The following CADPS2 variants were observed in gnomAD, a reference collection of about 807,000 sequenced individuals.
CADPS2 encodes calcium dependent secretion activator 2.
In CADPS2, 93 loss-of-function variants were observed where a neutral mutation model predicts 172.5. That is an observed-to-expected ratio of 0.54 (90% CI 0.46 to 0.64). The LOEUF is 0.64. CADPS2 is among the 30% of genes least tolerant of loss of function. The pLI is 0.00. For synonymous variants in CADPS2, 546 were observed against 555.2 expected, an observed-to-expected ratio of 0.98 and a Z score of 0.23; for missense variants, 1,420 against 1,565.9, an observed-to-expected ratio of 0.91 and a Z score of 1.57.
intron 1 of CADPS2, among the ~76,000 whole-genome samples, chr7:122,769,982 T>C (rs1461242839): frequency 6.6e-6 from 1 of 152,212 alleles, no homozygotes; most frequent in African/African-American, 2.4e-5. Flanking sequence ...ATTTTACATA[T>C]ATTAACTCAA....
At chr7:122,645,308 C>CAT (rs1462858116) in intron 3 of CADPS2, among the ~76,000 whole-genome samples, 15 of 121,850 alleles carry the variant, frequency 1.2e-4, no homozygotes, top group East Asian at 9.2e-4. Context: ...CACATATGTA[C>CAT]ATGTGTGTAT....
chr7:122,858,064 G>A (rs1365921025), intron 1 of CADPS2, among the ~76,000 whole-genome samples: 2 of 152,134 alleles, frequency 1.3e-5, no homozygotes, highest in African/African-American at 4.8e-5. Flanking sequence ...GCTACTGGCT[G>A]GAATGCCCAG....
chr7:122,392,466 A>G (rs569898993), intron 22 of CADPS2, among the ~76,000 whole-genome samples: 1 of 152,184 alleles, frequency 6.6e-6, no homozygotes, highest in South Asian at 2.1e-4. Flanking sequence ...GAAAAAACTC[A>G]GGCTAAGAAG....
intron 6 of CADPS2, among the ~76,000 whole-genome samples, chr7:122,606,006 T>TA (rs2073479123): frequency 6.6e-6 from 1 of 152,204 alleles, no homozygotes; most frequent in Non-Finnish European, 1.5e-5. Context: ...CAGTGATTAA[T>TA]AAGCAAAAAC....
intron 28 of CADPS2, among the ~76,000 whole-genome samples, chr7:122,343,374 G>T (rs1331505244): frequency 6.6e-6 from 1 of 152,172 alleles, no homozygotes; most frequent in African/African-American, 2.4e-5. Context: ...GGCATTGAAT[G>T]AAAGTATATA....
chr7:122,527,064 T>A (rs1420459210), intron 8 of CADPS2, among the ~76,000 whole-genome samples: 1 of 152,182 alleles, frequency 6.6e-6, no homozygotes, highest in Admixed American at 6.5e-5. Context: ...TCAAAAATGT[T>A]AAAAAGTCTT....
intron 8 of CADPS2, among the ~76,000 whole-genome samples, chr7:122,544,131 T>C (rs2063378003): frequency 6.6e-6 from 1 of 152,098 alleles, no homozygotes; most frequent in South Asian, 2.1e-4. Flanking sequence ...TGTACAAGAA[T>C]GTTCACAGTA....
At chr7:122,867,000 C>T (rs1421670621) in intron 1 of CADPS2, among the ~76,000 whole-genome samples, 2 of 152,078 alleles carry the variant, frequency 1.3e-5, no homozygotes, top group Non-Finnish European at 2.9e-5. Context: ...TATTCTATTC[C>T]ACCACAGGAC....
intron 17 of CADPS2, among the ~76,000 whole-genome samples, chr7:122,424,936 T>C (rs1465304556): frequency 2.0e-5 from 3 of 152,168 alleles, no homozygotes; most frequent in Non-Finnish European, 4.4e-5. Flanking sequence ...AGCATAAAAT[T>C]TTTCCAGTGT....
intron 1 of CADPS2, among the ~76,000 whole-genome samples, chr7:122,871,654 A>G (rs1331036919): frequency 6.6e-6 from 1 of 152,066 alleles, no homozygotes; most frequent in African/African-American, 2.4e-5. Flanking sequence ...AGAACCTAAA[A>G]TGAGTTCCCT....
At chr7:122,883,547 C>T (rs1341674967) in intron 1 of CADPS2, among the ~76,000 whole-genome samples, 1 of 152,140 alleles carries the variant, frequency 6.6e-6, no homozygotes, top group African/African-American at 2.4e-5. Context: ...CTGTATAATG[C>T]AAGACTTCAA....
chr7:122,432,574 G>A (rs887455224), intron 17 of CADPS2, among the ~76,000 whole-genome samples: 2 of 150,514 alleles, frequency 1.3e-5, no homozygotes, highest in African/African-American at 4.9e-5. Context: ...TCGGGAGGCG[G>A]AGGTTGCAGT....
chr7:122,625,638 C>T (rs2076014206), intron 4 of CADPS2, among the ~76,000 whole-genome samples: 1 of 152,040 alleles, frequency 6.6e-6, no homozygotes, highest in South Asian at 2.1e-4. Flanking sequence ...CTACAGATTT[C>T]AGACTTAAGA....
At chr7:122,330,317 T>A in intron 28 of CADPS2, among the ~76,000 whole-genome samples, 1 of 152,304 alleles carries the variant, frequency 6.6e-6, no homozygotes, top group Middle Eastern at 3.4e-3. Context: ...TATAAGCCAT[T>A]CTTCAGGATC....
intron 1 of CADPS2, among the ~76,000 whole-genome samples, chr7:122,800,078 A>G (rs928710986): frequency 1.3e-5 from 2 of 152,232 alleles, no homozygotes; most frequent in Admixed American, 6.5e-5. Context: ...AACAAGTGGA[A>G]AAGTAGCATT....
chr7:122,875,295 T>C (rs1472601846), intron 1 of CADPS2, among the ~76,000 whole-genome samples: 1 of 152,212 alleles, frequency 6.6e-6, no homozygotes, highest in Non-Finnish European at 1.5e-5. Flanking sequence ...GTAGAATCCT[T>C]GTCCCATATA....
intron 9 of CADPS2, among the ~76,000 whole-genome samples, chr7:122,513,021 A>C (rs1425876286): frequency 6.6e-6 from 1 of 152,180 alleles, no homozygotes; most frequent in African/African-American, 2.4e-5. Context: ...AAAGAGTCCA[A>C]AAGCATAAAA....
At position 122,444,892 on chromosome 7, in the gene CADPS2, C is replaced by T. The variant is rs529923912; in HGVS notation, c.2289-3317G>A. 8.2e-4 allele frequency among the ~76,000 whole-genome samples: 124 copies of T among 152,104 alleles called. 2 individuals carry two copies. Among genetic ancestry groups the T allele is most frequent in the African/African-American group, 2.8e-3 (115 of 41,524 alleles). On this transcript the variant is annotated intron_variant, in intron 15 of 29. Coordinates refer to ENST00000449022, the MANE Select transcript of CADPS2 (RefSeq NM_017954.11). ...TAACCCAAAGACACAGATTTTTCAC[C>T]CAAGTTTTCTAGGTCTACCTATTTT...
In CADPS2 at chr7:122,409,501, A is replaced by G. The variant is rs1301424640; in HGVS notation, c.2590-1805T>C. On this transcript the variant is annotated intron_variant, in intron 19 of 29. Transcript: ENST00000449022. ...TTTTCAAAACAGCTTCAGGTTGGCA[A>G]GATTTTGCCATCAACTGGAAAATTT... The G allele has an allele frequency of 9.6e-6, 3 of 313,432 alleles. No homozygotes were observed. In the East Asian group the frequency reaches 2.8e-4, roughly 29 times the overall value. The allele number at this position is 313,432 out of a possible 1,614,324, so 19.4% of individuals were successfully genotyped here. A position where few individuals can be genotyped will look rare whatever the true frequency, so the allele number is the denominator to read the frequency against.
Sources: gnomAD v4.1 joint callset for allele counts (sites outside exome capture counted in the v4.1 genomes callset) on GRCh38, gnomAD v4.1.1 for gene constraint, MANE v1.5 for transcripts, NCBI Gene and HGNC (gene_info 2026-07-23, HGNC 2026-07-21) for gene names.